The following MYOC variants were observed in gnomAD, a reference collection of about 807,000 sequenced individuals.
MYOC encodes juvenile-onset open-angle glaucoma 1.
In MYOC, 29 loss-of-function variants were observed where a neutral mutation model predicts 28.2. The observed-to-expected ratio is 1.03, with a 90% CI of 0.77 to 1.40. The LOEUF (loss-of-function observed/expected upper bound fraction) is 1.40. Among genes scored for constraint, MYOC ranks in the 40% most tolerant of loss-of-function variants. The probability of loss-of-function intolerance (pLI) is 0.00; values close to 1 mark genes in which losing one functional copy is unlikely to be tolerated. For missense variants in MYOC, 569 were observed against 620.6 expected, an observed-to-expected ratio of 0.92 and a Z score of 0.88; for synonymous variants, 240 against 245.6, an observed-to-expected ratio of 0.98 and a Z score of 0.21.
chr1:171,639,946 GAAAA>G (rs1175117891), intron 1 of MYOC, among the ~76,000 whole-genome samples: 2 of 46,980 alleles, frequency 4.3e-5, no homozygotes, highest in Admixed American at 3.7e-4. Flanking sequence ...TCTGTCTCAA[GAAAA>G]AAAAAAAAAA....
At position 171,636,423 on chromosome 1, in the gene MYOC, A is replaced by G; in HGVS notation, c.1017T>C (p.Ala339=). 6.2e-7 allele frequency: 1 copy of G among 1,614,122 alleles called. No individual in the cohort carries two copies. The highest frequency in any genetic ancestry group is 8.5e-7 in the Non-Finnish European group (1 of 1,180,020). ...CATATCTTATGACAGTTCTGGACTC[A>G]GCGCCCTGGAAATAGAGGCTCCCCG... ...VYSGSLYFQG[A]ESRTVIRYEL... The change falls in exon 3 of 3, where the codon GCT becomes GCC. Residue 339 remains alanine (A), a synonymous_variant. Coordinates refer to ENST00000037502, the MANE Select transcript of MYOC (RefSeq NM_000261.2).
chr1:171,642,887 TTAA>T (rs1558087797), intron 1 of MYOC, among the ~76,000 whole-genome samples: 6 of 126,132 alleles, frequency 4.8e-5, no homozygotes, highest in Admixed American at 7.9e-5. Context: ...TAGTCTATGT[TTAA>T]AAAAAAAAAA....
rs536875042 is a variant in MYOC, at chr1:171,635,843, T to C, written c.*82A>G. ...CAGTCAAAGCTGCCTGGGCCCTGGCTGGCTGGCTCTCCCTTCAGCCTGCTC... is the reference window on the plus strand; with the variant it reads ...CAGTCAAAGCTGCCTGGGCCCTGGCCGGCTGGCTCTCCCTTCAGCCTGCTC... On this transcript the variant is annotated 3_prime_UTR_variant, in exon 3 of 3. Transcript: ENST00000037502. The C allele has an allele frequency of 1.7e-5, 25 of 1,489,916 alleles. No individual in the cohort carries two copies. In the South Asian group the frequency reaches 2.0e-4, roughly 12 times the overall value. 92.3% of individuals were successfully genotyped at this position (1,489,916 alleles called of 1,614,324 possible).
intron 1 of MYOC, among the ~76,000 whole-genome samples, chr1:171,649,286 A>G (rs1653294666): frequency 1.3e-5 from 2 of 152,194 alleles, no homozygotes. Context: ...TTGTCCACTC[A>G]GCCTCACTAA....
chr1:171,639,934 ACT>A (rs1463160568), intron 1 of MYOC, among the ~76,000 whole-genome samples: 1 of 112,444 alleles, frequency 8.9e-6, no homozygotes, highest in Non-Finnish European at 1.7e-5. Flanking sequence ...ACAGAGCAAG[ACT>A]CTGTCTCAAG....
intron 1 of MYOC, among the ~76,000 whole-genome samples, chr1:171,650,124 T>G (rs955375946): frequency 1.3e-5 from 2 of 151,556 alleles, no homozygotes; most frequent in African/African-American, 4.9e-5. Context: ...AGGAAACACA[T>G]CTAATAAATC....
chr1:171,638,823 G>A, intron 1 of MYOC, 101 bp from the exon 2 acceptor site: 1 of 1,356,356 alleles, frequency 7.4e-7, no homozygotes, highest in Middle Eastern at 2.6e-4. Flanking sequence ...GCCAGGCGTG[G>A]TGGCTCATGC....
chr1:171,643,954 G>A (rs1653138913), intron 1 of MYOC, among the ~76,000 whole-genome samples: 1 of 123,928 alleles, frequency 8.1e-6, no homozygotes, highest in Non-Finnish European at 1.6e-5. Flanking sequence ...CTGGGTGACA[G>A]AGAGACTCTG....
At chr1:171,647,391 G>A (rs988346593) in intron 1 of MYOC, among the ~76,000 whole-genome samples, 1 of 148,888 alleles carries the variant, frequency 6.7e-6, no homozygotes, top group African/African-American at 2.5e-5. Context: ...GGGCATGGTG[G>A]CGTGTGCCTG....
At chr1:171,646,658 G>C (rs913990710) in intron 1 of MYOC, among the ~76,000 whole-genome samples, 1 of 151,682 alleles carries the variant, frequency 6.6e-6, no homozygotes, top group Non-Finnish European at 1.5e-5. Flanking sequence ...CACCACGCCT[G>C]GCTAATTTTT....
At chr1:171,650,463 T>G (rs1018671020) in intron 1 of MYOC, among the ~76,000 whole-genome samples, 3 of 152,224 alleles carry the variant, frequency 2.0e-5, no homozygotes, top group Admixed American at 2.0e-4. Flanking sequence ...ATCTAAACAT[T>G]TTTTAAAAAT....
intron 1 of MYOC, among the ~76,000 whole-genome samples, chr1:171,647,839 C>T (rs1372483623): frequency 6.6e-6 from 1 of 152,128 alleles, no homozygotes; most frequent in African/African-American, 2.4e-5. Flanking sequence ...GCGGGGACCT[C>T]GCCTCAGCCA....
At chr1:171,637,867 C>A (rs1293578490) in intron 2 of MYOC, among the ~76,000 whole-genome samples, 1 of 152,202 alleles carries the variant, frequency 6.6e-6, no homozygotes, top group Non-Finnish European at 1.5e-5. Flanking sequence ...CCCGCCTCAG[C>A]CTCCCAAAGT....
In MYOC at chr1:171,652,539, A is replaced by G. The variant is rs755246983; in HGVS notation, c.73T>C (p.Cys25Arg). 3 of 1,614,188 alleles carry G rather than the reference A, an allele frequency of 1.9e-6. No individual in the cohort carries two copies. Among genetic ancestry groups the G allele is most frequent in the Non-Finnish European group, 2.5e-6 (3 of 1,180,020 alleles). ...MPAVQLLLLA[C>R]LVWDVGARTA... ...CTGGCCCCCACATCCCACACCAGGC[A>G]GGCCAGAAGCAGCAGCTGGACAGCT... is the stretch of plus-strand genomic sequence containing the variant. Residue 25 changes from cysteine (C) to arginine (R), a missense_variant, in exon 1 of 3, where the codon TGC (cysteine) becomes CGC (arginine). Cys to Arg is a radical substitution (Grantham distance 180). Transcript: ENST00000037502.
chr1:171,635,631 A>G lies in MYOC; in HGVS notation c.*294T>C. ...GAGCAATGGTTTTCAGGAAGAAACT[A>G]TTATGCCTTACAGCTTTTGCCCCAA... is the stretch of plus-strand genomic sequence containing the variant. On this transcript the variant is annotated 3_prime_UTR_variant, in exon 3 of 3. Coordinates refer to ENST00000037502, the MANE Select transcript of MYOC (RefSeq NM_000261.2). 1 of 497,264 alleles carries G rather than the reference A, an allele frequency of 2.0e-6. No homozygotes were observed. Among genetic ancestry groups the G allele is most frequent in the Non-Finnish European group, 3.7e-6 (1 of 273,452 alleles). The allele number at this position is 497,264 out of a possible 1,614,324, so 30.8% of individuals were successfully genotyped here. A position where few individuals can be genotyped will look rare whatever the true frequency, so the allele number is the denominator to read the frequency against.
chr1:171,642,007 T>C (rs977738504), intron 1 of MYOC, among the ~76,000 whole-genome samples: 3 of 152,236 alleles, frequency 2.0e-5, no homozygotes, highest in South Asian at 2.1e-4. Flanking sequence ...GGTACCTTGT[T>C]TGAGTTGCTG....
chr1:171,652,555 C>T lies in MYOC; in HGVS notation c.57G>A (p.Gln19=), dbSNP rs2234925. The change falls in exon 1 of 3, where the codon CAG becomes CAA. Residue 19 remains glutamine (Q), a synonymous_variant. Coordinates refer to ENST00000037502, the MANE Select transcript of MYOC (RefSeq NM_000261.2). ...ACACCAGGCAGGCCAGAAGCAGCAG[C>T]TGGACAGCTGGCATCTCAGGCCCAA... The part of the protein sequence containing the change: ...CSFGPEMPAV[Q]LLLLACLVWD... The T allele has an allele frequency of 9.3e-6, 15 of 1,614,098 alleles. No homozygotes were observed. Among genetic ancestry groups the T allele is most frequent in the Non-Finnish European group, 1.3e-5 (15 of 1,180,048 alleles).
Position 171,639,946 on chromosome 1 carries a change from G to GAAAAAA in MYOC, c.605-1230_605-1225dup, listed in dbSNP as rs1175117891. Among the ~76,000 whole-genome samples the GAAAAAA allele has an allele frequency of 3.0e-3, 142 of 46,952 alleles. 11 individuals carry two copies. The highest frequency in any genetic ancestry group is 4.6e-3 in the African/African-American group (49 of 10,602). 30.8% of individuals were successfully genotyped at this position (46,952 alleles called of 152,430 possible). A position where few individuals can be genotyped will look rare whatever the true frequency, so the allele number is the denominator to read the frequency against. ...GCAACAGAGCAAGACTCTGTCTCAA[G>GAAAAAA]AAAAAAAAAAAAAAAAAAAAAAAAA... On this transcript the variant is annotated intron_variant, in intron 1 of 2. Coordinates refer to ENST00000037502, the MANE Select transcript of MYOC (RefSeq NM_000261.2).
rs773443762 is a variant in MYOC at position 171,651,992 on chromosome 1, C to G, written c.604+16G>C. 2.5e-6 allele frequency: 4 copies of G among 1,614,204 alleles called. No homozygotes were observed. The Admixed American group carries it at 5.0e-5, about 20-fold the overall frequency. On this transcript the variant is annotated intron_variant, in intron 1 of 2. Coordinates refer to ENST00000037502, the MANE Select transcript of MYOC (RefSeq NM_000261.2). ...TCACCTGCTGAACTCAGAGTCCCCC[C>G]ACTCTGCATTCTTACCTTCTCTGGA...
Sources: gnomAD v4.1 joint callset for allele counts (sites outside exome capture counted in the v4.1 genomes callset) on GRCh38, gnomAD v4.1.1 for gene constraint, MANE v1.5 for transcripts, NCBI Gene and HGNC (gene_info 2026-07-23, HGNC 2026-07-21) for gene names.